Variants in TMEM232 observed in about 807,000 individuals in gnomAD.
TMEM232 encodes transmembrane protein 232.
In TMEM232, 80 loss-of-function variants were observed where a neutral mutation model predicts 78.8. The observed-to-expected ratio is 1.01, with a 90% CI of 0.85 to 1.22. The LOEUF is 1.22. TMEM232 is among the 50% of genes most tolerant of loss of function. The pLI, the probability that TMEM232 is intolerant of heterozygous loss-of-function variation, is 0.00. For synonymous variants in TMEM232, 297 were observed against 254.3 expected (o/e 1.17, Z -1.60); for missense variants, 881 against 742.2 (o/e 1.19, Z -2.17).
At chr5:110,650,868 C>G (rs966996157) in intron 2 of TMEM232, among the ~76,000 whole-genome samples, 2 of 152,006 alleles carry the variant, frequency 1.3e-5, no homozygotes, top group African/African-American at 4.8e-5. Context: ...ATGTATCATA[C>G]TAATGTAGGA....
In TMEM232 at chr5:110,566,324, C is replaced by T. The variant is rs189147257; in HGVS notation, c.1455+2123G>A. Reference sequence around the variant, plus strand: ...TCTGACATGTCCTGGACACATTTTCCCTTTTGTCTTGGTCATTGGCATTTG... The same window carrying T: ...TCTGACATGTCCTGGACACATTTTCTCTTTTGTCTTGGTCATTGGCATTTG... On this transcript the variant is annotated intron_variant, in intron 11 of 13. Transcript: ENST00000455884. 2.8e-3 allele frequency among the ~76,000 whole-genome samples: 427 copies of T among 151,982 alleles called. 7 individuals are homozygous for T. The highest frequency in any genetic ancestry group is 9.8e-3 in the African/African-American group (405 of 41,500).
At position 110,528,846 on chromosome 5, in the gene TMEM232, A is replaced by G; in HGVS notation, c.1456-11T>C. On this transcript the variant is annotated splice_polypyrimidine_tract_variant and intron_variant, in intron 11 of 13. Coordinates refer to ENST00000455884, the MANE Select transcript of TMEM232 (RefSeq NM_001039763.4). The stretch of plus-strand genomic sequence containing the variant: ...GTCATTTAACTCAGCCTGTTGAAAG[A>G]AAAGAGAAAGGAATCAGTTGAAACA... 1 of 1,412,056 alleles carries G rather than the reference A, an allele frequency of 7.1e-7. No homozygotes were observed. Among genetic ancestry groups the G allele is most frequent in the Non-Finnish European group, 9.2e-7 (1 of 1,082,042 alleles). 87.5% of individuals were successfully genotyped at this position (1,412,056 alleles called of 1,614,324 possible). A position where few individuals can be genotyped will look rare whatever the true frequency, so the allele number is the denominator to read the frequency against.
At chr5:110,474,060 T>C (rs909019260) in intron 12 of TMEM232, among the ~76,000 whole-genome samples, 21 of 151,462 alleles carry the variant, frequency 1.4e-4, no homozygotes, top group Non-Finnish European at 3.1e-4. Flanking sequence ...AATAAGTAAA[T>C]TGTGGTGTTC....
At chr5:110,448,831 T>A (rs1208751538) in intron 12 of TMEM232, among the ~76,000 whole-genome samples, 1 of 151,894 alleles carries the variant, frequency 6.6e-6, no homozygotes, top group East Asian at 1.9e-4. Context: ...ACAGAATATA[T>A]GAGCTCCAAA....
At chr5:110,608,587 T>C (rs142586190) in intron 8 of TMEM232, among the ~76,000 whole-genome samples, 89 of 152,184 alleles carry the variant, frequency 5.8e-4, no homozygotes, top group African/African-American at 2.1e-3. Context: ...GATAGTCTCA[T>C]TGAACTATGG....
chr5:110,456,938 G>T lies in TMEM232; in HGVS notation c.1704-32022C>A, dbSNP rs966861387. On this transcript the variant is annotated intron_variant, in intron 12 of 13. Coordinates refer to ENST00000455884, the MANE Select transcript of TMEM232 (RefSeq NM_001039763.4). ...ATTATAAAACTTCTACAAGGAAATG[G>T]AATAAAATTCTTTTTGGGTTAGGCA... 2.0e-5 allele frequency among the ~76,000 whole-genome samples: 3 copies of T among 152,080 alleles called. No individual in the cohort carries two copies. In the East Asian group the frequency reaches 5.8e-4, roughly 29 times the overall value.
At chr5:110,579,558 T>A (rs1422301876) in intron 10 of TMEM232, among the ~76,000 whole-genome samples, 2 of 151,818 alleles carry the variant, frequency 1.3e-5, no homozygotes, top group Non-Finnish European at 3.0e-5. Flanking sequence ...AAAATGTTTA[T>A]TAGAGCTTTG....
chr5:110,607,649 T>G (rs1217955693), intron 8 of TMEM232, among the ~76,000 whole-genome samples: 1 of 152,012 alleles, frequency 6.6e-6, no homozygotes, highest in Non-Finnish European at 1.5e-5. Flanking sequence ...GATTTAAAAT[T>G]GACTGCCTAG....
chr5:110,535,740 A>C (rs1240289094), intron 11 of TMEM232, among the ~76,000 whole-genome samples: 1 of 152,200 alleles, frequency 6.6e-6, no homozygotes, highest in Admixed American at 6.5e-5. Context: ...AATGGACCAA[A>C]AAAATGATGT....
At chr5:110,397,630 C>A (rs1172873620) in intron 3 of TMEM232, 1 of 152,516 alleles carries the variant, frequency 6.6e-6, no homozygotes, top group African/African-American at 2.4e-5. Context: ...CACAATAATT[C>A]ATCAAAGCCA....
At chr5:110,687,491 C>T (rs2150208427) in intron 1 of TMEM232, among the ~76,000 whole-genome samples, 1 of 152,172 alleles carries the variant, frequency 6.6e-6, no homozygotes, top group Admixed American at 6.5e-5. Context: ...ACTCTTCTAC[C>T]AGCCTTTCAG....
At chr5:110,536,917 GA>G (rs919456561) in intron 11 of TMEM232, among the ~76,000 whole-genome samples, 4 of 152,134 alleles carry the variant, frequency 2.6e-5, no homozygotes, top group Non-Finnish European at 4.4e-5. Context: ...AAGCCCTTAA[GA>G]AACACTCATA....
chr5:110,504,257 G>A (rs1766608516), intron 12 of TMEM232, among the ~76,000 whole-genome samples: 1 of 152,074 alleles, frequency 6.6e-6, no homozygotes, highest in Admixed American at 6.6e-5. Context: ...ACACCAATCA[G>A]GAAAAACATA....
chr5:110,598,400 T>C (rs1780456511), intron 10 of TMEM232, among the ~76,000 whole-genome samples: 1 of 152,144 alleles, frequency 6.6e-6, no homozygotes, highest in African/African-American at 2.4e-5. Flanking sequence ...GGAACGCTTT[T>C]ACACTGTTGG....
intron 1 of TMEM232, among the ~76,000 whole-genome samples, chr5:110,674,237 A>G (rs1373992394): frequency 6.6e-6 from 1 of 152,170 alleles, no homozygotes; most frequent in Non-Finnish European, 1.5e-5. Context: ...TTTCTTGGTC[A>G]AGAAAAAACA....
chr5:110,488,242 CTT>C (rs1299598820), intron 12 of TMEM232, among the ~76,000 whole-genome samples: 1 of 151,912 alleles, frequency 6.6e-6, no homozygotes, highest in Non-Finnish European at 1.5e-5. Flanking sequence ...GATTTTCTCT[CTT>C]CTTTTCTTGG....
intron 1 of TMEM232, among the ~76,000 whole-genome samples, chr5:110,715,914 T>A (rs890933572): frequency 3.3e-5 from 5 of 152,306 alleles, no homozygotes; most frequent in African/African-American, 1.2e-4. Flanking sequence ...TATAACCTCT[T>A]ATTATAAACC....
intron 12 of TMEM232, among the ~76,000 whole-genome samples, chr5:110,428,907 G>A (rs990387155): frequency 6.6e-6 from 1 of 151,754 alleles, no homozygotes; most frequent in African/African-American, 2.4e-5. Flanking sequence ...TGGTACAGAT[G>A]ACAAAACAGG....
intron 11 of TMEM232, among the ~76,000 whole-genome samples, chr5:110,547,802 A>G (rs1014980777): frequency 6.6e-5 from 10 of 152,038 alleles, no homozygotes; most frequent in Non-Finnish European, 1.5e-4. Flanking sequence ...GCTTGAGACC[A>G]GCCTGTCCGG....
Sources: gnomAD v4.1 joint callset for allele counts (sites outside exome capture counted in the v4.1 genomes callset) on GRCh38, gnomAD v4.1.1 for gene constraint, MANE v1.5 for transcripts, NCBI Gene and HGNC (gene_info 2026-07-23, HGNC 2026-07-21) for gene names.